Variants in KDM4C observed in about 807,000 individuals in gnomAD.
The protein encoded by KDM4C is lysine-specific demethylase 4C.
In KDM4C, 81 loss-of-function variants were observed where a neutral mutation model predicts 129.3. That is an observed-to-expected ratio of 0.63 (90% CI 0.52 to 0.75). The LOEUF is 0.75. Among genes scored for constraint, KDM4C ranks in the 30% least tolerant of loss-of-function variants. KDM4C has a pLI of 0.00. For synonymous variants in KDM4C, 573 were observed against 456.1 expected, an observed-to-expected ratio of 1.26 and a Z score of -3.26; for missense variants, 1,457 against 1,304.0, an observed-to-expected ratio of 1.12 and a Z score of -1.81.
intron 12 of KDM4C, among the ~76,000 whole-genome samples, chr9:6,996,670 T>G (rs764948101): frequency 5.3e-5 from 8 of 152,232 alleles, no homozygotes; most frequent in Non-Finnish European, 1.0e-4. Context: ...ACTCCTCTGC[T>G]CAGCGATTCC....
At chr9:7,034,068 T>C (rs1180492726) in intron 15 of KDM4C, among the ~76,000 whole-genome samples, 1 of 152,098 alleles carries the variant, frequency 6.6e-6, no homozygotes, top group African/African-American at 2.4e-5. Context: ...TGATTGTTGC[T>C]TTTCTTAAAA....
At chr9:6,852,836 A>G (rs1839100140) in intron 5 of KDM4C, among the ~76,000 whole-genome samples, 1 of 152,020 alleles carries the variant, frequency 6.6e-6, no homozygotes, top group Non-Finnish European at 1.5e-5. Context: ...TCATCTGTCC[A>G]TGTTTCACTT....
At chr9:6,812,564 A>G (rs891346751) in intron 3 of KDM4C, among the ~76,000 whole-genome samples, 1 of 152,146 alleles carries the variant, frequency 6.6e-6, no homozygotes, top group African/African-American at 2.4e-5. Context: ...CCTCACATGC[A>G]CAGTTCACAA....
At chr9:7,048,619 T>A (rs1829738387) in intron 16 of KDM4C, among the ~76,000 whole-genome samples, 2 of 152,108 alleles carry the variant, frequency 1.3e-5, no homozygotes, top group Non-Finnish European at 2.9e-5. Context: ...ATTAATTCTT[T>A]TGGAAAACTT....
intron 18 of KDM4C, among the ~76,000 whole-genome samples, chr9:7,112,044 C>T (rs1359716533): frequency 1.3e-5 from 2 of 152,064 alleles, no homozygotes; most frequent in Non-Finnish European, 2.9e-5. Context: ...CAATAGCTGT[C>T]TCTCACATGC....
chr9:6,819,415 G>A (rs546637958), intron 4 of KDM4C, among the ~76,000 whole-genome samples: 2 of 152,288 alleles, frequency 1.3e-5, no homozygotes, highest in Non-Finnish European at 2.9e-5. Context: ...TTGTAAACAC[G>A]CAGTTTTAAA....
At chr9:6,799,100 G>C (rs1249756316) in intron 2 of KDM4C, among the ~76,000 whole-genome samples, 6 of 151,418 alleles carry the variant, frequency 4.0e-5, no homozygotes, top group Non-Finnish European at 7.4e-5. Flanking sequence ...CAGGCAGAGG[G>C]GCTCCTCACG....
In KDM4C at chr9:6,744,858, G is replaced by T. The variant is rs146808667; in HGVS notation, c.49+23861G>T. On this transcript the variant is annotated intron_variant, in intron 1 of 17. Coordinates refer to the KDM4C transcript ENST00000536108. ...CAGAAGGCACCAGGGCAAGGTGGGGGGTGGGGAGAGCAGGGGATACCTGGG... is the reference window on the plus strand; with the variant it reads ...CAGAAGGCACCAGGGCAAGGTGGGGTGTGGGGAGAGCAGGGGATACCTGGG... Among the ~76,000 whole-genome samples the T allele has an allele frequency of 6.8e-3, 1,036 of 152,202 alleles. 10 individuals carry two copies. The highest frequency in any genetic ancestry group is 0.023 in the African/African-American group (947 of 41,516).
chr9:6,932,310 C>T (rs1170417520), intron 8 of KDM4C, among the ~76,000 whole-genome samples: 2 of 152,060 alleles, frequency 1.3e-5, no homozygotes, highest in Admixed American at 6.6e-5. Flanking sequence ...CCTGTTTCTG[C>T]GGCACAGGGA....
chr9:6,782,167 T>G (rs770826644), intron 1 of KDM4C, among the ~76,000 whole-genome samples: 46 of 152,140 alleles, frequency 3.0e-4, no homozygotes, highest in Non-Finnish European at 3.7e-4. Flanking sequence ...AGATACGGAA[T>G]CTGTGAATAA....
intron 8 of KDM4C, among the ~76,000 whole-genome samples, chr9:6,951,337 A>G (rs1433449841): frequency 6.6e-6 from 1 of 152,212 alleles, no homozygotes; most frequent in Non-Finnish European, 1.5e-5. Flanking sequence ...CTTTTGAGTT[A>G]TAAATTAAAA....
intron 12 of KDM4C, among the ~76,000 whole-genome samples, chr9:6,992,619 A>G (rs577155082): frequency 6.6e-6 from 1 of 152,282 alleles, no homozygotes; most frequent in Admixed American, 6.5e-5. Flanking sequence ...TACCTTAGCC[A>G]TTTGCCTCTG....
chr9:6,899,538 TGG>T lies in KDM4C; in HGVS notation c.921+6310_921+6311del, dbSNP rs751090659. On this transcript the variant is annotated intron_variant, in intron 8 of 21. Coordinates refer to ENST00000381309, the MANE Select transcript of KDM4C (RefSeq NM_015061.6). Reference sequence around the variant, plus strand: ...CTATGAGTCCTCTGTGCCTTTTCCATGGGGGTGTGTGTGTGTGTGTGTGTGTG... The same window carrying T: ...CTATGAGTCCTCTGTGCCTTTTCCATGGGTGTGTGTGTGTGTGTGTGTGTG... 2.3e-3 allele frequency among the ~76,000 whole-genome samples: 209 copies of T among 91,646 alleles called. 2 individuals carry two copies. The highest frequency in any genetic ancestry group is 6.9e-3 in the Middle Eastern group (1 of 144). 60.1% of individuals were successfully genotyped at this position (91,646 alleles called of 152,430 possible).
intron 1 of KDM4C, among the ~76,000 whole-genome samples, chr9:6,738,367 C>A (rs143116505): frequency 3.9e-5 from 6 of 152,092 alleles, no homozygotes; most frequent in Middle Eastern, 3.4e-3. Flanking sequence ...CCCAGCTACT[C>A]GGGAGGCTGA....
chr9:6,988,517 C>T (rs200600305), intron 11 of KDM4C, among the ~76,000 whole-genome samples: 1 of 111,288 alleles, frequency 9.0e-6, no homozygotes, highest in African/African-American at 3.1e-5. Context: ...TTGGATAACT[C>T]CTAGATGTAA....
At chr9:7,059,275 A>T (rs980125278) in intron 17 of KDM4C, among the ~76,000 whole-genome samples, 1 of 151,904 alleles carries the variant, frequency 6.6e-6, no homozygotes, top group Non-Finnish European at 1.5e-5. Context: ...TCATTTTTAA[A>T]TTTTTTTGGT....
intron 17 of KDM4C, among the ~76,000 whole-genome samples, chr9:7,050,069 C>G (rs978620739): frequency 6.6e-6 from 1 of 152,022 alleles, no homozygotes; most frequent in Non-Finnish European, 1.5e-5. Flanking sequence ...GCTCTTTTCC[C>G]CAATGGCGAG....
intron 8 of KDM4C, among the ~76,000 whole-genome samples, chr9:6,913,500 A>G (rs1819702635): frequency 6.6e-6 from 1 of 152,228 alleles, no homozygotes; most frequent in Admixed American, 6.5e-5. Flanking sequence ...CGTTTCATGT[A>G]CAGTGCGCTT....
chr9:7,102,179 T>C (rs532208010), intron 17 of KDM4C, among the ~76,000 whole-genome samples: 2 of 152,124 alleles, frequency 1.3e-5, no homozygotes, highest in Non-Finnish European at 2.9e-5. Flanking sequence ...TAATTGTACA[T>C]TGAATCTAGA....
Sources: allele counts gnomAD v4.1 joint callset (sites outside exome capture counted in the v4.1 genomes callset), GRCh38; gene constraint gnomAD v4.1.1; transcripts MANE v1.5; gene names NCBI Gene and HGNC (gene_info 2026-07-23, HGNC 2026-07-21).